The following SLC25A24 variants were observed in gnomAD, a reference collection of about 807,000 sequenced individuals.
The protein encoded by SLC25A24 is solute carrier family 25 member 24.
In SLC25A24, 49 loss-of-function variants were observed where a neutral mutation model predicts 60.7. That is an observed-to-expected ratio of 0.81 (90% CI 0.64 to 1.02). SLC25A24 has a LOEUF of 1.02. SLC25A24 is among the 50% of genes least tolerant of loss of function. The pLI, the probability that SLC25A24 is intolerant of heterozygous loss-of-function variation, is 0.00. For missense variants in SLC25A24, 564 were observed against 586.3 expected (o/e 0.96, Z 0.39); for synonymous variants, 202 against 200.6 (o/e 1.01, Z -0.06).
intron 1 of SLC25A24, among the ~76,000 whole-genome samples, chr1:108,187,280 G>A (rs1648161139): frequency 6.6e-6 from 1 of 151,950 alleles, no homozygotes. Flanking sequence ...CATCATTGAG[G>A]CTTATCTCAA....
rs546726275 is a variant in SLC25A24, at chr1:108,186,968, T to C, written c.184-1014A>G. On this transcript the variant is annotated intron_variant, in intron 1 of 9. Coordinates refer to ENST00000565488, the MANE Select transcript of SLC25A24 (RefSeq NM_013386.5). ...GGCGCATGCCTGTAATCCCAGCTAC[T>C]TGGGAGGCTGAGGCAAAAGAATCGC... is the stretch of plus-strand genomic sequence containing the variant. Among the ~76,000 whole-genome samples the C allele has an allele frequency of 1.3e-4, 20 of 151,904 alleles. No homozygotes were observed. In the South Asian group the frequency reaches 3.8e-3, roughly 28 times the overall value.
At chr1:108,168,330 C>T (rs933654034) in intron 3 of SLC25A24, among the ~76,000 whole-genome samples, 3 of 152,074 alleles carry the variant, frequency 2.0e-5, no homozygotes, top group African/African-American at 7.2e-5. Flanking sequence ...ATTTATGTCA[C>T]TATTTTCTAT....
Position 108,139,129 on chromosome 1 carries a change from G to A in SLC25A24, c.1178C>T (p.Ala393Val). ...CAGCTGACCACAGGTGCTGGATAAGGCACCGCATCCCAGCAACACCATGAC... is the reference window on the plus strand; with the variant it reads ...CAGCTGACCACAGGTGCTGGATAAGACACCGCATCCCAGCAACACCATGAC... ...PGVMVLLGCG[A>V]LSSTCGQLAS... is the part of the protein sequence containing the mutation. Residue 393 changes from alanine (A) to valine (V), a missense_variant, in exon 9 of 10, where the codon GCC becomes GTC. Ala to Val is a moderately conservative substitution (Grantham distance 64). Coordinates refer to ENST00000565488, the MANE Select transcript of SLC25A24 (RefSeq NM_013386.5). 2 of 1,610,908 alleles carry A rather than the reference G, an allele frequency of 1.2e-6. No individual in the cohort carries two copies. Among genetic ancestry groups the A allele is most frequent in the Non-Finnish European group, 1.7e-6 (2 of 1,178,540 alleles).
chr1:108,142,006 A>T (rs1422328297), intron 8 of SLC25A24, among the ~76,000 whole-genome samples: 2 of 152,220 alleles, frequency 1.3e-5, no homozygotes, highest in East Asian at 3.8e-4. Flanking sequence ...ACTTTATGTT[A>T]TGTGTTTTTA....
chr1:108,148,473 C>T, intron 6 of SLC25A24, 87 bp from the exon 7 acceptor site: 1 of 778,610 alleles, frequency 1.3e-6, no homozygotes, highest in South Asian at 1.4e-5. Flanking sequence ...AAGCTGTAAC[C>T]TCCCATGTGA....
At position 108,192,706 on chromosome 1, in the gene SLC25A24, C is replaced by A; in HGVS notation, c.184-6752G>T. Reference sequence around the variant, plus strand: ...ACCGACGAACGGGATCTCTGCCCACCACACACGTCCAGTGGGAAGAGGCCT... The same window carrying A: ...ACCGACGAACGGGATCTCTGCCCACAACACACGTCCAGTGGGAAGAGGCCT... On this transcript the variant is annotated intron_variant, in intron 1 of 9. Transcript: ENST00000565488. 5.6e-6 allele frequency: 8 copies of A among 1,438,434 alleles called. 1 individual carries two copies. Among genetic ancestry groups the A allele is most frequent in the Non-Finnish European group, 6.5e-6 (7 of 1,084,916 alleles). The allele number at this position is 1,438,434 out of a possible 1,614,324, so 89.1% of individuals were successfully genotyped here. A position where few individuals can be genotyped will look rare whatever the true frequency, so the allele number is the denominator to read the frequency against.
intron 3 of SLC25A24, among the ~76,000 whole-genome samples, chr1:108,163,776 C>A (rs1680162617): frequency 6.6e-6 from 1 of 151,786 alleles, no homozygotes; most frequent in Non-Finnish European, 1.5e-5. Flanking sequence ...AATTGAATAC[C>A]CTTTATTTCC....
intron 6 of SLC25A24, among the ~76,000 whole-genome samples, chr1:108,150,921 C>T (rs972560969): frequency 6.6e-6 from 1 of 152,188 alleles, no homozygotes; most frequent in African/African-American, 2.4e-5. Context: ...TCCCTCCAGG[C>T]CAGGCACGGT....
chr1:108,143,788 T>C, intron 7 of SLC25A24, 78 bp from the exon 8 acceptor site: 1 of 1,089,542 alleles, frequency 9.2e-7, no homozygotes, highest in Non-Finnish European at 1.4e-6. Context: ...TAATTTTACA[T>C]GGAACAAATA....
In SLC25A24 at chr1:108,194,402, G is replaced by C. The variant is rs1025464986; in HGVS notation, c.183+5554C>G. ...CTGTGCAACACAGAAAATGTAGGTA[G>C]TGGCAAAGAGCCACAGAAGGCAGAT... is the stretch of plus-strand genomic sequence containing the variant. On this transcript the variant is annotated intron_variant, in intron 1 of 9. Transcript: ENST00000565488. Among the ~76,000 whole-genome samples the C allele has an allele frequency of 1.5e-5, 2 of 137,168 alleles. 1 individual carries two copies. Among genetic ancestry groups the C allele is most frequent in the Admixed American group, 1.7e-4 (2 of 11,854 alleles). 90.0% of individuals were successfully genotyped at this position (137,168 alleles called of 152,430 possible).
intron 6 of SLC25A24, among the ~76,000 whole-genome samples, chr1:108,154,414 A>G (rs952861145): frequency 3.3e-5 from 5 of 152,164 alleles, no homozygotes; most frequent in Non-Finnish European, 5.9e-5. Flanking sequence ...CAAATAATCC[A>G]AGTTAACAAA....
At chr1:108,143,224 A>G (rs1222956081) in intron 8 of SLC25A24, among the ~76,000 whole-genome samples, 5 of 152,218 alleles carry the variant, frequency 3.3e-5, no homozygotes, top group African/African-American at 1.2e-4. Flanking sequence ...TGTTAGTCAC[A>G]TTAGTCACTT....
chr1:108,186,895 T>C (rs1032561583), intron 1 of SLC25A24, among the ~76,000 whole-genome samples: 2 of 151,974 alleles, frequency 1.3e-5, no homozygotes, highest in Admixed American at 6.6e-5. Flanking sequence ...CTGACCAACA[T>C]GGAGAACCCC....
In SLC25A24 at chr1:108,145,110, A is replaced by G. The variant is rs1407297843; in HGVS notation, c.931-1400T>C. On this transcript the variant is annotated intron_variant, in intron 7 of 9. Transcript: ENST00000565488. ...AGCATCTGTTGTTTCCTGACTTTTT[A>G]ACTAACTGGCGTGAGATGGTATGCC... Among the ~76,000 whole-genome samples, 4 of 151,588 alleles carry G rather than the reference A, an allele frequency of 2.6e-5. No individual in the cohort carries two copies. In the East Asian group the frequency reaches 7.7e-4, roughly 29 times the overall value.
At chr1:108,199,887 C>A (rs1348077953) in intron 1 of SLC25A24, 69 bp downstream of exon 1, 1 of 1,247,562 alleles carries the variant, frequency 8.0e-7, no homozygotes, top group Non-Finnish European at 1.1e-6. Context: ...CCGCCCTCCT[C>A]GGTCCTCGCA....
intron 8 of SLC25A24, among the ~76,000 whole-genome samples, chr1:108,139,489 G>A (rs766651586): frequency 1.3e-5 from 2 of 152,154 alleles, no homozygotes; most frequent in Non-Finnish European, 2.9e-5. Flanking sequence ...CTCTTATGGT[G>A]AGTATTAATA....
chr1:108,183,852 A>ATGT (rs1253470395), intron 2 of SLC25A24, among the ~76,000 whole-genome samples: 1 of 152,224 alleles, frequency 6.6e-6, no homozygotes, highest in African/African-American at 2.4e-5. Flanking sequence ...CTAGCTAGGA[A>ATGT]TGTACATGCT....
intron 8 of SLC25A24, among the ~76,000 whole-genome samples, chr1:108,142,956 A>G (rs959074740): frequency 3.3e-5 from 5 of 152,094 alleles, no homozygotes; most frequent in Non-Finnish European, 5.9e-5. Context: ...TCATCCTAAC[A>G]TGCACCCTGG....
At chr1:108,183,937 G>A (rs1648026903) in intron 2 of SLC25A24, among the ~76,000 whole-genome samples, 1 of 151,940 alleles carries the variant, frequency 6.6e-6, no homozygotes, top group South Asian at 2.1e-4. Flanking sequence ...TATATTTTGG[G>A]GTTACTTTGG....
Sources: gnomAD v4.1 joint callset for allele counts (sites outside exome capture counted in the v4.1 genomes callset) on GRCh38, gnomAD v4.1.1 for gene constraint, MANE v1.5 for transcripts, NCBI Gene and HGNC (gene_info 2026-07-23, HGNC 2026-07-21) for gene names.